The following ANKFY1 variants were observed in gnomAD, a reference collection of about 807,000 sequenced individuals.
ANKFY1 encodes ankyrin repeat and FYVE domain-containing protein 1.
In ANKFY1, 47 loss-of-function variants were observed where a neutral mutation model predicts 128.3. The ratio of observed to expected loss-of-function variants is 0.37; its 90% CI spans 0.29 to 0.47. The LOEUF is 0.47. ANKFY1 is among the 20% of genes least tolerant of loss of function. ANKFY1 has a pLI of 1.00. For synonymous variants in ANKFY1, 553 were observed against 601.6 expected (o/e 0.92, Z 1.18); for missense variants, 1,222 against 1,510.6 (o/e 0.81, Z 3.17).
intron 3 of ANKFY1, among the ~76,000 whole-genome samples, chr17:4,226,041 C>T (rs1282667765): frequency 6.6e-6 from 1 of 152,010 alleles, no homozygotes; most frequent in South Asian, 2.1e-4. Context: ...GGATTACAGG[C>T]GTGAGCCACT....
At chr17:4,197,155 C>T (rs906327078) in intron 8 of ANKFY1, among the ~76,000 whole-genome samples, 5 of 152,174 alleles carry the variant, frequency 3.3e-5, no homozygotes, top group African/African-American at 1.2e-4. Context: ...AAAAAAACCT[C>T]GAAGACTTCA....
At chr17:4,202,547 A>C (rs1351229924) in intron 7 of ANKFY1, among the ~76,000 whole-genome samples, 2 of 148,312 alleles carry the variant, frequency 1.3e-5, no homozygotes, top group Non-Finnish European at 3.0e-5. Flanking sequence ...AAATACAAAA[A>C]TTAGCCGGGC....
At chr17:4,193,490 C>T (rs571448671) in intron 10 of ANKFY1, among the ~76,000 whole-genome samples, 4 of 142,130 alleles carry the variant, frequency 2.8e-5, no homozygotes, top group Admixed American at 7.4e-5. Context: ...GTGCAATGCA[C>T]GATCTTGGCT....
intron 7 of ANKFY1, among the ~76,000 whole-genome samples, chr17:4,203,573 TG>T (rs1435019128): frequency 1.3e-5 from 2 of 151,936 alleles, no homozygotes; most frequent in Admixed American, 1.3e-4. Context: ...CCCAGCACTC[TG>T]GGAGGCTGAG....
chr17:4,220,320 C>T (rs961067094), intron 3 of ANKFY1, among the ~76,000 whole-genome samples: 5 of 151,924 alleles, frequency 3.3e-5, no homozygotes, highest in Admixed American at 3.3e-4. Context: ...TCGTAATGAA[C>T]AACAAAAAAA....
In ANKFY1 at chr17:4,209,948, C is replaced by T. The variant is rs752808234; in HGVS notation, c.459-1G>A. Reference sequence around the variant, plus strand: ...TAGAGACATAACACCCTTCTCACATCTGTAAGAGAGTATTCATCATGAGGA... The same window carrying T: ...TAGAGACATAACACCCTTCTCACATTTGTAAGAGAGTATTCATCATGAGGA... On this transcript the variant is annotated splice_acceptor_variant, in intron 4 of 24. Transcript: ENST00000341657. LOFTEE classifies it high-confidence loss of function. The T allele has an allele frequency of 6.2e-7, 1 of 1,609,972 alleles. No homozygotes were observed. The highest frequency in any genetic ancestry group is 8.5e-7 in the Non-Finnish European group (1 of 1,176,616).
intron 3 of ANKFY1, 123 bp from the exon 4 acceptor site, chr17:4,217,241 TAC>T (rs1033855462): frequency 9.2e-7 from 1 of 1,091,938 alleles, no homozygotes; most frequent in African/African-American, 1.6e-5. Flanking sequence ...AAAGGAATAT[TAC>T]ACAGTCATTA....
At chr17:4,257,978 A>C (rs1044029085) in intron 1 of ANKFY1, among the ~76,000 whole-genome samples, 28 of 152,262 alleles carry the variant, frequency 1.8e-4, no homozygotes, top group Non-Finnish European at 3.4e-4. Flanking sequence ...TGCCAGTGAC[A>C]GAATCCTGTG....
Position 4,169,005 on chromosome 17 carries a change from G to C in ANKFY1, c.3377+193C>G. ...CAGCAGGAAAGCCACCCGTCTGCAG[G>C]CTCCCTGCCTTCCCTACATCTCTGT... On this transcript the variant is annotated intron_variant, in intron 24 of 24. Coordinates refer to ENST00000341657, the MANE Select transcript of ANKFY1 (RefSeq NM_001330063.2). This position sits in a 1 kb window ranked among gnomAD's most constrained non-coding sequence, Gnocchi z 5.0. The C allele has an allele frequency of 1.8e-6, 1 of 549,830 alleles. No homozygotes were observed. The highest frequency in any genetic ancestry group is 2.4e-5 in the South Asian group (1 of 41,316). 34.1% of individuals were successfully genotyped at this position (549,830 alleles called of 1,614,324 possible). A position where few individuals can be genotyped will look rare whatever the true frequency, so the allele number is the denominator to read the frequency against.
At chr17:4,225,847 T>C in intron 3 of ANKFY1, among the ~76,000 whole-genome samples, 1 of 152,178 alleles carries the variant, frequency 6.6e-6, no homozygotes, top group East Asian at 1.9e-4. Context: ...CTGCAACCTC[T>C]GCCTTGCAGG....
intron 1 of ANKFY1, among the ~76,000 whole-genome samples, 200 bp from the exon 2 acceptor site, chr17:4,242,648 T>A (rs1477101527): frequency 6.6e-6 from 1 of 152,216 alleles, no homozygotes; most frequent in East Asian, 1.9e-4. Context: ...ATCCCAAAAC[T>A]TTGGGAGGCC....
chr17:4,214,356 G>A (rs893248819), intron 4 of ANKFY1, among the ~76,000 whole-genome samples: 1 of 152,062 alleles, frequency 6.6e-6, no homozygotes, highest in African/African-American at 2.4e-5. Context: ...CATGATTTAC[G>A]CAACCAAGGA....
At chr17:4,175,234 G>A (rs1406919948) in intron 19 of ANKFY1, among the ~76,000 whole-genome samples, 1 of 151,692 alleles carries the variant, frequency 6.6e-6, no homozygotes, top group Non-Finnish European at 1.5e-5. Context: ...TCGGGAGGAT[G>A]AGATGGGAGG....
intron 1 of ANKFY1, among the ~76,000 whole-genome samples, chr17:4,258,190 C>G (rs1968217405): frequency 2.0e-5 from 3 of 152,144 alleles, no homozygotes; most frequent in African/African-American, 7.2e-5. Context: ...TTATCAATGA[C>G]CTGGGACATT....
intron 1 of ANKFY1, among the ~76,000 whole-genome samples, chr17:4,254,130 C>A (rs1347648287): frequency 2.6e-5 from 4 of 151,802 alleles, no homozygotes; most frequent in Non-Finnish European, 5.9e-5. Context: ...ACGGTGAAAC[C>A]CCATCTCTAC....
chr17:4,209,171 A>G (rs2060080535), intron 5 of ANKFY1, among the ~76,000 whole-genome samples: 2 of 152,246 alleles, frequency 1.3e-5, no homozygotes, highest in East Asian at 1.9e-4. Context: ...AAGCTCTGAA[A>G]CTGTGCTGCT....
intron 14 of ANKFY1, among the ~76,000 whole-genome samples, chr17:4,182,923 T>C (rs2059541428): frequency 6.6e-6 from 1 of 152,112 alleles, no homozygotes; most frequent in Admixed American, 6.5e-5. Context: ...CTGGCCAACA[T>C]GGTGAAACCC....
chr17:4,180,781 A>G (rs1402142054), intron 16 of ANKFY1, among the ~76,000 whole-genome samples: 119 of 151,282 alleles, frequency 7.9e-4, no homozygotes, highest in South Asian at 4.6e-3. Flanking sequence ...AAAAAAAAAA[A>G]AAAGAAAGAA....
Position 4,254,303 on chromosome 17 carries a change from C to CAA in ANKFY1, c.10+9627_10+9628dup, listed in dbSNP as rs572606909. Among the ~76,000 whole-genome samples, 94 of 81,922 alleles carry CAA rather than the reference C, an allele frequency of 1.1e-3. 1 individual carries two copies. Among genetic ancestry groups the CAA allele is most frequent in the Middle Eastern group, 6.6e-3 (1 of 152 alleles). The allele number at this position is 81,922 out of a possible 152,430, so 53.7% of individuals were successfully genotyped here. On this transcript the variant is annotated intron_variant, in intron 1 of 24. Transcript: ENST00000341657. The stretch of plus-strand genomic sequence containing the variant: ...TGGACCACAGAGTGAGACTCCATCT[C>CAA]AAAAAAAAAAAAAAAAAAAAAAAAA...
Sources: allele counts gnomAD v4.1 joint callset (sites outside exome capture counted in the v4.1 genomes callset), GRCh38; gene constraint gnomAD v4.1.1; non-coding constraint Gnocchi (gnomAD v3.1); transcripts MANE v1.5; gene names NCBI Gene and HGNC (gene_info 2026-07-23, HGNC 2026-07-21).